GPHN: variants seen among roughly 807,000 people sequenced by gnomAD.
GPHN encodes the protein gephyrin.
In GPHN, 17 loss-of-function variants were observed where a neutral mutation model predicts 95.5. That is an observed-to-expected ratio of 0.18 (90% CI 0.12 to 0.27). The LOEUF is 0.27. Among genes scored for constraint, GPHN ranks in the 10% least tolerant of loss-of-function variants. The probability of loss-of-function intolerance (pLI) is 1.00; values close to 1 mark genes in which losing one functional copy is unlikely to be tolerated. For missense variants in GPHN, 660 were observed against 978.1 expected, an observed-to-expected ratio of 0.67 and a Z score of 4.34; for synonymous variants, 320 against 322.5, an observed-to-expected ratio of 0.99 and a Z score of 0.08.
the GPHN span, among the ~76,000 whole-genome samples, chr14:67,331,195 C>T: frequency 0.024 from 3,680 of 152,154 alleles, 72 homozygotes; most frequent in Non-Finnish European, 0.036. Context: ...CAGATGTGCA[C>T]CATCACGCCT....
intron 5 of GPHN, among the ~76,000 whole-genome samples, chr14:66,882,692 G>T (rs1207437813): frequency 1.3e-5 from 2 of 151,558 alleles, no homozygotes; most frequent in East Asian, 3.9e-4. Flanking sequence ...CTTAAGTGAT[G>T]ACCATGGTTG....
chr14:66,882,569 C>G (rs536582828), intron 5 of GPHN, among the ~76,000 whole-genome samples: 1 of 151,608 alleles, frequency 6.6e-6, no homozygotes, highest in Non-Finnish European at 1.5e-5. Flanking sequence ...ATGTTAATGT[C>G]TTTTTTGTTT....
At chr14:66,569,304 G>A (rs1595011868) in intron 1 of GPHN, among the ~76,000 whole-genome samples, 2 of 152,124 alleles carry the variant, frequency 1.3e-5, no homozygotes, top group Non-Finnish European at 2.9e-5. Context: ...ATTTTTTGTA[G>A]CTCAGCAACT....
At chr14:67,573,266 C>T in the GPHN span, 2 of 1,571,386 alleles carry the variant, frequency 1.3e-6, no homozygotes, top group African/African-American at 1.3e-5. This position sits in a 1 kb window ranked among gnomAD's most constrained non-coding sequence, Gnocchi z 4.8. Context: ...TACACCCTTC[C>T]ACCCCTCAGG....
chr14:67,574,768 A>G, the GPHN span, among the ~76,000 whole-genome samples: 5 of 152,118 alleles, frequency 3.3e-5, no homozygotes, highest in African/African-American at 1.2e-4. This position sits in a 1 kb window ranked among gnomAD's most constrained non-coding sequence, Gnocchi z 4.2. Context: ...TCAAAGACTT[A>G]AAGTATCCCA....
At chr14:66,640,416 T>C (rs2064329781) in intron 1 of GPHN, among the ~76,000 whole-genome samples, 3 of 152,146 alleles carry the variant, frequency 2.0e-5, no homozygotes, top group Non-Finnish European at 4.4e-5. Context: ...AATGAGACTC[T>C]GCCTCAACAA....
At chr14:66,587,220 GA>G (rs1157892004) in intron 1 of GPHN, among the ~76,000 whole-genome samples, 13 of 152,140 alleles carry the variant, frequency 8.5e-5, no homozygotes, top group Non-Finnish European at 1.5e-5. Context: ...AACAAGTAAG[GA>G]GATTAAGTCA....
chr14:66,767,441 G>GAAAAA (rs375844697), intron 2 of GPHN, among the ~76,000 whole-genome samples: 9 of 96,672 alleles, frequency 9.3e-5, no homozygotes, highest in South Asian at 3.0e-4. Flanking sequence ...TTTTTGAACA[G>GAAAAA]AAAAAAAAAA....
At chr14:66,991,739 G>A (rs1422518755) in intron 9 of GPHN, among the ~76,000 whole-genome samples, 1 of 151,752 alleles carries the variant, frequency 6.6e-6, no homozygotes, top group Non-Finnish European at 1.5e-5. Context: ...AGGCATGGTG[G>A]CATATGCCTA....
the GPHN span, among the ~76,000 whole-genome samples, chr14:67,249,357 TA>T: frequency 6.6e-6 from 1 of 152,238 alleles, no homozygotes; most frequent in African/African-American, 2.4e-5. Context: ...TTTCATGCTG[TA>T]ATTCTAGGCC....
At chr14:66,570,658 AT>A (rs1228487410) in intron 1 of GPHN, among the ~76,000 whole-genome samples, 4 of 152,130 alleles carry the variant, frequency 2.6e-5, no homozygotes, top group East Asian at 3.9e-4. Flanking sequence ...GACTCAAAGA[AT>A]TGTTCTATTT....
chr14:67,340,534 A>T, the GPHN span: 302 of 1,604,512 alleles, frequency 1.9e-4, no homozygotes, highest in Middle Eastern at 2.6e-3. Flanking sequence ...ATAAAAAAAA[A>T]AATAATATGT....
At chr14:67,620,855 C>T in the GPHN span, 4 of 1,610,562 alleles carry the variant, frequency 2.5e-6, no homozygotes, top group East Asian at 6.7e-5. Context: ...TTTCCGACAC[C>T]TTCTCTACCT....
chr14:67,044,943 G>A (rs544164726), intron 10 of GPHN, among the ~76,000 whole-genome samples: 109 of 151,998 alleles, frequency 7.2e-4, no homozygotes, highest in Admixed American at 9.2e-4. Flanking sequence ...TCCAAGGCCT[G>A]AATTCTTAAC....
intron 9 of GPHN, among the ~76,000 whole-genome samples, chr14:67,001,923 CT>C (rs1400184588): frequency 6.6e-6 from 1 of 151,596 alleles, no homozygotes; most frequent in African/African-American, 2.4e-5. Context: ...TCTTTTGCTC[CT>C]TTTGGGTTTT....
At chr14:67,433,842 C>T in the GPHN span, among the ~76,000 whole-genome samples, 1 of 152,090 alleles carries the variant, frequency 6.6e-6, no homozygotes, top group Admixed American at 6.5e-5. Context: ...TAACAAATAT[C>T]GTCTAAGTGG....
chr14:66,572,512 G>A (rs949635363), intron 1 of GPHN, among the ~76,000 whole-genome samples: 1 of 150,798 alleles, frequency 6.6e-6, no homozygotes, highest in African/African-American at 2.5e-5. Flanking sequence ...GTGTGTATAC[G>A]TCTGTTTTTG....
chr14:67,151,070 G>A (rs184279334), intron 18 of GPHN, among the ~76,000 whole-genome samples: 3 of 152,238 alleles, frequency 2.0e-5, no homozygotes, highest in African/African-American at 4.8e-5. Flanking sequence ...TTAGAACAGG[G>A]CATCTTTAAG....
At chr14:66,743,185 CTTT>C (rs113300979) in intron 2 of GPHN, among the ~76,000 whole-genome samples, 6 of 146,152 alleles carry the variant, frequency 4.1e-5, no homozygotes, top group African/African-American at 1.5e-4. Context: ...GTAGAGAGTT[CTTT>C]TTTTTTTTAA....
Sources: gnomAD v4.1 joint callset for allele counts (sites outside exome capture counted in the v4.1 genomes callset) on GRCh38, gnomAD v4.1.1 for gene constraint, Gnocchi (gnomAD v3.1) non-coding constraint, MANE v1.5 for transcripts, NCBI Gene and HGNC (gene_info 2026-07-23, HGNC 2026-07-21) for gene names.